The following KSR2 variants were observed in gnomAD, a reference collection of about 807,000 sequenced individuals.
The protein encoded by KSR2 is kinase suppressor of ras 2.
KSR2 carries 25 observed loss-of-function variants against 107.8 expected under a neutral mutation model. The ratio of observed to expected loss-of-function variants is 0.23; its 90% confidence interval spans 0.17 to 0.32. The LOEUF (loss-of-function observed/expected upper bound fraction) is 0.32. KSR2 is among the 10% of genes least tolerant of loss of function. KSR2 has a pLI of 1.00. For missense variants in KSR2, 887 were observed against 1,268.9 expected (o/e 0.70, Z 4.57); for synonymous variants, 480 against 507.0 (o/e 0.95, Z 0.71).
intron 1 of KSR2, among the ~76,000 whole-genome samples, chr12:117,882,102 T>C (rs1038777139): frequency 2.6e-5 from 4 of 152,204 alleles, no homozygotes; most frequent in African/African-American, 9.7e-5. Flanking sequence ...GGAAAGTACC[T>C]TGCACTTTCC....
chr12:117,896,143 T>C (rs1450925047), intron 1 of KSR2, among the ~76,000 whole-genome samples: 1 of 152,172 alleles, frequency 6.6e-6, no homozygotes, highest in Non-Finnish European at 1.5e-5. Flanking sequence ...AACAAATGAA[T>C]GGATAAATAA....
intron 1 of KSR2, among the ~76,000 whole-genome samples, chr12:117,933,965 G>A (rs1431607980): frequency 6.6e-6 from 1 of 152,186 alleles, no homozygotes; most frequent in African/African-American, 2.4e-5. Flanking sequence ...GCTTCAGAGT[G>A]CATGAGTGGA....
chr12:117,957,129 G>A (rs951626914), intron 1 of KSR2, among the ~76,000 whole-genome samples: 5 of 151,976 alleles, frequency 3.3e-5, no homozygotes, highest in East Asian at 1.9e-4. Context: ...CTTCCCCTTC[G>A]CCCTCTGTTT....
At chr12:117,677,740 CTCTG>C (rs762225402) in intron 4 of KSR2, among the ~76,000 whole-genome samples, 4 of 152,200 alleles carry the variant, frequency 2.6e-5, no homozygotes, top group African/African-American at 4.8e-5. Flanking sequence ...TTCATTTGTT[CTCTG>C]TCTGCCAACT....
intron 4 of KSR2, among the ~76,000 whole-genome samples, chr12:117,739,836 G>A (rs1888103099): frequency 6.6e-6 from 1 of 152,028 alleles, no homozygotes; most frequent in South Asian, 2.1e-4. Context: ...TCAGAGAAGA[G>A]TAGTAGGAGG....
Position 117,585,154 on chromosome 12 carries a change from A to C in KSR2, c.1172-2795T>G, listed in dbSNP as rs973841498. ...TATAATGCACAGGGCAGACTCCCATAATAAAGAATTAAACATCCCAAAATG... is the reference window on the plus strand; with the variant it reads ...TATAATGCACAGGGCAGACTCCCATCATAAAGAATTAAACATCCCAAAATG... On this transcript the variant is annotated intron_variant, in intron 5 of 19. Transcript: ENST00000339824. Among the ~76,000 whole-genome samples the C allele has an allele frequency of 2.0e-5, 3 of 152,122 alleles. No homozygotes were observed. The South Asian group carries it at 6.2e-4, about 31-fold the overall frequency.
At chr12:117,541,397 A>C (rs1876483113) in intron 9 of KSR2, among the ~76,000 whole-genome samples, 1 of 152,184 alleles carries the variant, frequency 6.6e-6, no homozygotes, top group African/African-American at 2.4e-5. Context: ...CTGGAAAGGG[A>C]CAGATTGGTG....
intron 4 of KSR2, among the ~76,000 whole-genome samples, chr12:117,700,512 G>A (rs664670): frequency 0.37 from 55,656 of 152,044 alleles, 12,662 homozygotes; most frequent in South Asian, 0.52. Flanking sequence ...AGTGAGCACC[G>A]AATTGCCTTC....
intron 10 of KSR2, among the ~76,000 whole-genome samples, chr12:117,534,089 C>G (rs1435093222): frequency 6.6e-6 from 1 of 151,944 alleles, no homozygotes; most frequent in Non-Finnish European, 1.5e-5. Flanking sequence ...GACTCAGGAC[C>G]TGGGAGGCTG....
At chr12:117,794,274 CACACCAACATGCACTCACACACCA>C (rs1890491799) in intron 3 of KSR2, among the ~76,000 whole-genome samples, 1 of 47,126 alleles carries the variant, frequency 2.1e-5, no homozygotes, top group Admixed American at 2.6e-4. Flanking sequence ...AACATGCACA[CACACCAACATGCACTCACACACCA>C]ACATGCACAC....
At chr12:117,602,329 T>C (rs1286982174) in intron 5 of KSR2, among the ~76,000 whole-genome samples, 2 of 152,206 alleles carry the variant, frequency 1.3e-5, no homozygotes, top group Admixed American at 1.3e-4. Flanking sequence ...TCTGTATAGT[T>C]CCAAACTATC....
At chr12:117,467,793 T>C (rs1416407997) in intron 19 of KSR2, 3 of 438,596 alleles carry the variant, frequency 6.8e-6, no homozygotes, top group African/African-American at 6.2e-5. Context: ...TAGAACAGTG[T>C]CTAGCACATA....
chr12:117,872,446 C>G (rs762632849), intron 1 of KSR2, among the ~76,000 whole-genome samples: 2 of 152,104 alleles, frequency 1.3e-5, no homozygotes, highest in African/African-American at 2.4e-5. Flanking sequence ...CACCTGTAGT[C>G]CCAGCTACTG....
chr12:117,928,306 C>T (rs1462123403), intron 1 of KSR2, among the ~76,000 whole-genome samples: 1 of 152,046 alleles, frequency 6.6e-6, no homozygotes, highest in Non-Finnish European at 1.5e-5. Flanking sequence ...CCTCAGCCTC[C>T]CGAGTAGCTG....
intron 14 of KSR2, among the ~76,000 whole-genome samples, chr12:117,520,206 G>A (rs1874658632): frequency 6.6e-6 from 1 of 152,116 alleles, no homozygotes; most frequent in Admixed American, 6.5e-5. Flanking sequence ...CTATGATTTG[G>A]GCAAGGGCTC....
chr12:117,678,855 TCTC>T (rs375987880), intron 4 of KSR2, among the ~76,000 whole-genome samples: 1 of 152,080 alleles, frequency 6.6e-6, no homozygotes, highest in Admixed American at 6.5e-5. Flanking sequence ...ACAAGTCACT[TCTC>T]CTCTCTGGGC....
At chr12:117,577,234 A>G (rs182825855) in intron 7 of KSR2, among the ~76,000 whole-genome samples, 1 of 152,356 alleles carries the variant, frequency 6.6e-6, no homozygotes. Flanking sequence ...AGAATCTTTT[A>G]AACTAAATGA....
At chr12:117,892,941 T>A (rs747185515) in intron 1 of KSR2, among the ~76,000 whole-genome samples, 3 of 151,960 alleles carry the variant, frequency 2.0e-5, no homozygotes, top group Non-Finnish European at 4.4e-5. Context: ...CCAACTGGAC[T>A]CAACAATTAT....
At chr12:117,770,364 G>T (rs2136908015) in intron 3 of KSR2, among the ~76,000 whole-genome samples, 1 of 152,226 alleles carries the variant, frequency 6.6e-6, no homozygotes, top group African/African-American at 2.4e-5. Flanking sequence ...ACCAAGGATG[G>T]CCAGCCACCC....
Sources: allele counts gnomAD v4.1 joint callset (sites outside exome capture counted in the v4.1 genomes callset), GRCh38; gene constraint gnomAD v4.1.1; transcripts MANE v1.5; gene names NCBI Gene and HGNC (gene_info 2026-07-23, HGNC 2026-07-21).